JMY: variants seen among roughly 807,000 people sequenced by gnomAD.
The protein encoded by JMY is junction-mediating and -regulatory protein.
A neutral mutation model predicts 103.3 loss-of-function variants in JMY; 46 were observed. That is an observed-to-expected ratio of 0.45 (90% confidence interval 0.35 to 0.57). The LOEUF (loss-of-function observed/expected upper bound fraction) is 0.57. Ranked by LOEUF, JMY falls within the 20% of genes least tolerant of loss-of-function variation. The probability of loss-of-function intolerance (pLI) is 0.00; values close to 1 mark genes in which losing one functional copy is unlikely to be tolerated. For missense variants in JMY, 1,238 were observed against 1,255.2 expected (o/e 0.99, Z 0.21); for synonymous variants, 526 against 489.3 (o/e 1.07, Z -0.99).
chr5:79,315,342 A>C (rs1042320969), intron 9 of JMY, among the ~76,000 whole-genome samples: 18 of 152,212 alleles, frequency 1.2e-4, no homozygotes, highest in African/African-American at 4.1e-4. Flanking sequence ...ATGTGCCTCA[A>C]TAAGGTTACT....
chr5:79,283,762 T>C (rs2094869607), intron 2 of JMY, among the ~76,000 whole-genome samples: 1 of 152,212 alleles, frequency 6.6e-6, no homozygotes, highest in African/African-American at 2.4e-5. Flanking sequence ...TGACAAGCTT[T>C]CCAGGTGATT....
At chr5:79,282,540 A>G (rs1255716104) in intron 2 of JMY, among the ~76,000 whole-genome samples, 1 of 152,216 alleles carries the variant, frequency 6.6e-6, no homozygotes, top group African/African-American at 2.4e-5. Context: ...CTAAAGATAT[A>G]TGTGAAAAGA....
At chr5:79,245,556 A>G in intron 1 of JMY, among the ~76,000 whole-genome samples, 1 of 152,130 alleles carries the variant, frequency 6.6e-6, no homozygotes, top group East Asian at 1.9e-4. Flanking sequence ...TGAGGTAAGT[A>G]TGGCCTCTTT....
chr5:79,264,569 A>G (rs1002789361), intron 1 of JMY, among the ~76,000 whole-genome samples: 3 of 152,096 alleles, frequency 2.0e-5, no homozygotes, highest in Non-Finnish European at 4.4e-5. Context: ...AAAGCAAATA[A>G]TATTTCATCA....
intron 2 of JMY, among the ~76,000 whole-genome samples, chr5:79,280,760 A>G (rs534322915): frequency 6.6e-6 from 1 of 152,312 alleles, no homozygotes; most frequent in African/African-American, 2.4e-5. Context: ...TAGATAAGAA[A>G]ACTAATATTG....
At position 79,237,664 on chromosome 5, in the gene JMY, C is replaced by CA; in HGVS notation, c.1015dup (p.Arg339LysfsTer10). ...GCTACGAAGAAGTGCTTCAGCGGGC[C>CA]AGGAAGCGCATCCAGGAGGTGAGTG... is the stretch of plus-strand genomic sequence containing the variant. On this transcript the variant is annotated frameshift_variant, in exon 1 of 11. Transcript: ENST00000396137. LOFTEE classifies it high-confidence loss of function. The CA allele has an allele frequency of 6.2e-7, 1 of 1,612,782 alleles. No individual in the cohort carries two copies. The highest frequency in any genetic ancestry group is 8.5e-7 in the Non-Finnish European group (1 of 1,179,310).
chr5:79,292,603 T>G (rs1455100872), intron 4 of JMY, among the ~76,000 whole-genome samples: 1 of 152,186 alleles, frequency 6.6e-6, no homozygotes, highest in African/African-American at 2.4e-5. Flanking sequence ...TTAAGGTCCA[T>G]GCCCAGCCCG....
rs769768504 is a variant in JMY, at chr5:79,300,244, T to C, written c.1619T>C (p.Val540Ala). Reference protein sequence around the residue: ...YYDLQLQLYEVQFEILKCEEL... With the variant: ...YYDLQLQLYEAQFEILKCEEL... ...GATCTGCAACTTCAGTTGTATGAAG[T>C]ACAGTTTGAAATCTTGAAGTGTGAA... is the stretch of plus-strand genomic sequence containing the variant. Residue 540 changes from valine (V) to alanine (A), a missense_variant, in exon 5 of 11, where the codon GTA (valine) becomes GCA (alanine). Physicochemically the swap from Val to Ala is moderately conservative, Grantham distance 64. Coordinates refer to ENST00000396137, the MANE Select transcript of JMY (RefSeq NM_152405.5). The C allele has an allele frequency of 6.2e-7, 1 of 1,604,700 alleles. No individual in the cohort carries two copies. Among genetic ancestry groups the C allele is most frequent in the Non-Finnish European group, 8.5e-7 (1 of 1,176,602 alleles).
At chr5:79,270,482 A>AATATTTAAAAT (rs1561297721) in intron 1 of JMY, among the ~76,000 whole-genome samples, 1 of 102,116 alleles carries the variant, frequency 9.8e-6, no homozygotes, top group Non-Finnish European at 1.9e-5. Context: ...TATTTACATA[A>AATATTTAAAAT]ATATTTACAT....
chr5:79,269,744 T>A (rs1745687466), intron 1 of JMY, among the ~76,000 whole-genome samples: 1 of 152,022 alleles, frequency 6.6e-6, no homozygotes, highest in African/African-American at 2.4e-5. Context: ...TTATTTTTTT[T>A]TTTAGAGACA....
intron 1 of JMY, among the ~76,000 whole-genome samples, chr5:79,267,310 TTATAA>T (rs1745613104): frequency 3.9e-5 from 6 of 152,310 alleles, no homozygotes; most frequent in African/African-American, 1.2e-4. Context: ...GTGTACACCA[TTATAA>T]TATACAAAAT....
chr5:79,296,296 A>T (rs565172169), intron 4 of JMY, among the ~76,000 whole-genome samples: 2 of 152,356 alleles, frequency 1.3e-5, no homozygotes, highest in Admixed American at 1.3e-4. Flanking sequence ...GATTTCTGAC[A>T]TGTGGAATTC....
At chr5:79,302,094 A>C (rs1746752414) in intron 6 of JMY, among the ~76,000 whole-genome samples, 1 of 151,842 alleles carries the variant, frequency 6.6e-6, no homozygotes, top group Non-Finnish European at 1.5e-5. Flanking sequence ...AAAAAAAAAA[A>C]AAAAAAAACA....
At chr5:79,271,908 A>G (rs1304050700) in intron 1 of JMY, among the ~76,000 whole-genome samples, 1 of 152,120 alleles carries the variant, frequency 6.6e-6, no homozygotes, top group East Asian at 1.9e-4. Flanking sequence ...CAGGAGTTCA[A>G]GACCATCCAG....
At chr5:79,254,528 G>A (rs1403925375) in intron 1 of JMY, among the ~76,000 whole-genome samples, 2 of 152,156 alleles carry the variant, frequency 1.3e-5, no homozygotes, top group Non-Finnish European at 2.9e-5. Context: ...ATGTATTGGA[G>A]CCTCATTGTA....
Position 79,270,648 on chromosome 5 carries a change from T to TAAAATATATTTACATAAATGTTTATAC in JMY, c.1033-7253_1033-7252insTTACATAAATGTTTATACAAAATATAT, listed in dbSNP as rs1165115689. 3.3e-4 allele frequency among the ~76,000 whole-genome samples: 48 copies of TAAAATATATTTACATAAATGTTTATAC among 143,424 alleles called. 1 individual carries two copies. The highest frequency in any genetic ancestry group is 3.7e-3 in the Middle Eastern group (1 of 270). 94.1% of individuals were successfully genotyped at this position (143,424 alleles called of 152,430 possible). ...AAATATATTTACATAAATATTTATA[T>TAAAATATATTTACATAAATGTTTATAC]AAAATATATATTTACATAAATATAA... On this transcript the variant is annotated intron_variant, in intron 1 of 10. Transcript: ENST00000396137.
chr5:79,290,497 A>G (rs1303494708), intron 3 of JMY, among the ~76,000 whole-genome samples: 2 of 152,192 alleles, frequency 1.3e-5, no homozygotes, highest in East Asian at 3.9e-4. Context: ...TTGTGTTTCT[A>G]CTAACATACT....
intron 2 of JMY, among the ~76,000 whole-genome samples, chr5:79,285,719 G>A (rs1746248538): frequency 6.6e-6 from 1 of 152,034 alleles, no homozygotes; most frequent in African/African-American, 2.4e-5. Flanking sequence ...TCCAGGGTCT[G>A]GAATATTTGC....
intron 6 of JMY, among the ~76,000 whole-genome samples, chr5:79,303,450 T>C (rs1469924930): frequency 6.6e-6 from 1 of 151,980 alleles, no homozygotes; most frequent in East Asian, 1.9e-4. Context: ...GATAGATACA[T>C]AGTTTGAGGA....
Sources: allele counts gnomAD v4.1 joint callset (sites outside exome capture counted in the v4.1 genomes callset), GRCh38; gene constraint gnomAD v4.1.1; transcripts MANE v1.5; gene names NCBI Gene and HGNC (gene_info 2026-07-23, HGNC 2026-07-21).